GLMN: variants seen among roughly 807,000 people sequenced by gnomAD.
The protein encoded by GLMN is glomulin.
Under a neutral mutation model 87.8 loss-of-function variants are expected in GLMN, and 75 were observed. The observed-to-expected ratio is 0.85, with a 90% CI of 0.71 to 1.04. GLMN has a LOEUF of 1.04. Ranked by LOEUF, GLMN falls within the 50% of genes least tolerant of loss-of-function variation. The pLI is 0.00. For synonymous variants in GLMN, 206 were observed against 221.6 expected (o/e 0.93, Z 0.63); for missense variants, 588 against 658.8 (o/e 0.89, Z 1.18).
chr1:92,264,126 G>A (rs981890914), intron 14 of GLMN, among the ~76,000 whole-genome samples: 22 of 152,054 alleles, frequency 1.4e-4, no homozygotes, highest in African/African-American at 5.3e-4. Context: ...GACGAGCCTG[G>A]GCAACACAGT....
At chr1:92,318,487 T>C in the GLMN span, among the ~76,000 whole-genome samples, 1 of 152,064 alleles carries the variant, frequency 6.6e-6, no homozygotes, top group South Asian at 2.1e-4. Flanking sequence ...TTTTCCCACC[T>C]TTTTTTTCTT....
chr1:92,299,699 A>T (rs562870857), upstream of GLMN, among the ~76,000 whole-genome samples: 1 of 152,380 alleles, frequency 6.6e-6, no homozygotes, highest in South Asian at 2.1e-4. Context: ...AAAATTAGAC[A>T]GTAATCAATT....
chr1:92,351,359 T>C, the GLMN span, among the ~76,000 whole-genome samples: 5,567 of 150,412 alleles, frequency 0.037, 269 homozygotes, highest in African/African-American at 0.11. Flanking sequence ...CATAAAATTA[T>C]ATTTTTTGAT....
At chr1:92,340,241 T>G in the GLMN span, among the ~76,000 whole-genome samples, 455 of 152,340 alleles carry the variant, frequency 3.0e-3, 1 homozygote, top group Non-Finnish European at 4.5e-3. Flanking sequence ...GGCTTCACTG[T>G]CCTTCAGAAA....
chr1:92,367,646 A>T, the GLMN span, among the ~76,000 whole-genome samples: 1 of 152,256 alleles, frequency 6.6e-6, no homozygotes, highest in Admixed American at 6.5e-5. Context: ...AGAACTCTGC[A>T]TGAACCCAGT....
chr1:92,282,901 C>T (rs980907367), intron 7 of GLMN, among the ~76,000 whole-genome samples: 4 of 152,198 alleles, frequency 2.6e-5, no homozygotes, highest in African/African-American at 9.6e-5. Flanking sequence ...TTCCCAGACA[C>T]ATACACCCTC....
chr1:92,247,862 A>G lies in GLMN; in HGVS notation c.1585+16T>C, dbSNP rs188888558. The stretch of plus-strand genomic sequence containing the variant: ...CTTTTTAGACCTAATTGAAAACAAA[A>G]TTGCACATTACCAACCTTGGCTATT... On this transcript the variant is annotated intron_variant, in intron 17 of 18. Transcript: ENST00000370360. 488 of 917,226 alleles carry G rather than the reference A, an allele frequency of 5.3e-4. 1 individual carries two copies. The highest frequency in any genetic ancestry group is 7.6e-4 in the Non-Finnish European group (417 of 545,856). 56.8% of individuals were successfully genotyped at this position (917,226 alleles called of 1,614,324 possible).
the GLMN span, among the ~76,000 whole-genome samples, chr1:92,315,817 G>A: frequency 6.6e-6 from 1 of 152,246 alleles, no homozygotes; most frequent in East Asian, 1.9e-4. Context: ...GTAATGTCAT[G>A]GAGACTAACA....
chr1:92,269,621 A>G lies in GLMN; in HGVS notation c.977+102T>C, dbSNP rs1656022756. On this transcript the variant is annotated intron_variant, in intron 9 of 18. Transcript: ENST00000370360. ...CGCTGTTTTATAAAATAACCAATTA[A>G]TTAATTAGAGCTTAGCAAAGAAAAG... The G allele has an allele frequency of 2.5e-6, 2 of 792,136 alleles. 1 individual carries two copies. Among genetic ancestry groups the G allele is most frequent in the Admixed American group, 3.8e-5 (2 of 52,664 alleles). The allele number at this position is 792,136 out of a possible 1,614,324, so 49.1% of individuals were successfully genotyped here.
Position 92,246,434 on chromosome 1 carries a change from A to AGT in GLMN, c.*94_*95dup, listed in dbSNP as rs1570804692. On this transcript the variant is annotated 3_prime_UTR_variant, in exon 19 of 19. Transcript: ENST00000370360. Reference sequence around the variant, plus strand: ...GAAAAGCTACATTTATTTTTCAAGCAGTAAATTTTTACAGAAAAATTTTTT... The same window carrying AGT: ...GAAAAGCTACATTTATTTTTCAAGCAGTGTAAATTTTTACAGAAAAATTTTTT... The AGT allele has an allele frequency of 1.5e-6, 1 of 669,626 alleles. No individual in the cohort carries two copies. The highest frequency in any genetic ancestry group is 2.8e-5 in the East Asian group (1 of 36,266). 41.5% of individuals were successfully genotyped at this position (669,626 alleles called of 1,614,324 possible).
the GLMN span, among the ~76,000 whole-genome samples, chr1:92,370,085 A>T: frequency 3.2e-4 from 48 of 152,256 alleles, no homozygotes; most frequent in East Asian, 8.9e-3. Context: ...GGGTTTCACC[A>T]TGTTGGCCAG....
the GLMN span, among the ~76,000 whole-genome samples, chr1:92,309,472 T>G: frequency 1.6e-3 from 239 of 151,236 alleles, no homozygotes; most frequent in African/African-American, 5.5e-3. Flanking sequence ...GTTTCTCTAA[T>G]CTAAATGAAT....
chr1:92,268,843 C>T (rs1196668440), intron 9 of GLMN, among the ~76,000 whole-genome samples: 1 of 151,588 alleles, frequency 6.6e-6, no homozygotes, highest in Non-Finnish European at 1.5e-5. Flanking sequence ...TGAAAGAAAA[C>T]AAAGCATATA....
At chr1:92,309,596 TACAC>T in the GLMN span, among the ~76,000 whole-genome samples, 5 of 134,358 alleles carry the variant, frequency 3.7e-5, no homozygotes, top group South Asian at 8.5e-4. Flanking sequence ...CACATACACA[TACAC>T]ATACACATAC....
chr1:92,363,266 T>C, the GLMN span, among the ~76,000 whole-genome samples: 1 of 151,998 alleles, frequency 6.6e-6, no homozygotes, highest in Admixed American at 6.6e-5. Flanking sequence ...GCATACGGTA[T>C]GGAGAAGGAG....
intron 16 of GLMN, among the ~76,000 whole-genome samples, chr1:92,257,230 C>T (rs1654390570): frequency 6.6e-6 from 1 of 152,106 alleles, no homozygotes; most frequent in African/African-American, 2.4e-5. Flanking sequence ...AACTACAAAC[C>T]ACCACTCAAA....
At chr1:92,339,309 A>C in the GLMN span, among the ~76,000 whole-genome samples, 1 of 134,452 alleles carries the variant, frequency 7.4e-6, no homozygotes, top group South Asian at 2.6e-4. Context: ...CCTGGGTCCT[A>C]CCCCACCCCC....
chr1:92,264,193 G>T (rs1202266106), intron 14 of GLMN, among the ~76,000 whole-genome samples: 2 of 152,058 alleles, frequency 1.3e-5, no homozygotes, highest in African/African-American at 4.8e-5. Context: ...GACACCTGTA[G>T]TCCCAATTAC....
chr1:92,292,378 C>A (rs1333299190), intron 3 of GLMN, among the ~76,000 whole-genome samples: 2 of 151,712 alleles, frequency 1.3e-5, no homozygotes, highest in Non-Finnish European at 2.9e-5. Context: ...CTAGTGAGAC[C>A]CTGTCTCTGT....
Sources: allele counts gnomAD v4.1 joint callset (sites outside exome capture counted in the v4.1 genomes callset), GRCh38; gene constraint gnomAD v4.1.1; transcripts MANE v1.5; gene names NCBI Gene and HGNC (gene_info 2026-07-23, HGNC 2026-07-21).